Variants in SOX5 observed in about 807,000 individuals in gnomAD.
The protein encoded by SOX5 is SRY-box transcription factor 5.
SOX5 carries 9 observed loss-of-function variants against 92.0 expected under a neutral mutation model. That is an observed-to-expected ratio of 0.10 (90% CI 0.06 to 0.17). The LOEUF is 0.17. SOX5 is among the 10% of genes least tolerant of loss of function. The pLI is 1.00. For missense variants in SOX5, 642 were observed against 944.5 expected (o/e 0.68, Z 4.20); for synonymous variants, 344 against 336.3 (o/e 1.02, Z -0.25).
chr12:24,188,791 A>G (rs1162680088), intron 4 of SOX5, among the ~76,000 whole-genome samples: 1 of 152,170 alleles, frequency 6.6e-6, no homozygotes, highest in Non-Finnish European at 1.5e-5. Context: ...AGATTAATCC[A>G]TTTCTACTAA....
chr12:24,500,020 T>C (rs1039091669), intron 1 of SOX5, among the ~76,000 whole-genome samples: 1 of 152,130 alleles, frequency 6.6e-6, no homozygotes, highest in Non-Finnish European at 1.5e-5. Context: ...TCAAATTCTT[T>C]CAGAAAATCA....
chr12:23,762,640 C>G, intron 3 of SOX5: 1 of 498,414 alleles, frequency 2.0e-6, no homozygotes, highest in Non-Finnish European at 3.5e-6. Context: ...TTGGCTGACT[C>G]AAGTTTTACA....
chr12:23,674,894 AG>A (rs1386562262), intron 6 of SOX5, among the ~76,000 whole-genome samples: 6 of 152,112 alleles, frequency 3.9e-5, no homozygotes, highest in Non-Finnish European at 7.4e-5. Flanking sequence ...AGAACGACAT[AG>A]TACCTGGCAT....
At chr12:24,429,414 T>C (rs1435638461) in intron 1 of SOX5, among the ~76,000 whole-genome samples, 2 of 152,148 alleles carry the variant, frequency 1.3e-5, no homozygotes, top group East Asian at 3.8e-4. Flanking sequence ...CAACTGTTAT[T>C]CATTTTTATT....
chr12:24,121,040 C>T (rs1948559882), intron 4 of SOX5, among the ~76,000 whole-genome samples: 1 of 152,220 alleles, frequency 6.6e-6, no homozygotes, highest in Non-Finnish European at 1.5e-5. Flanking sequence ...CAACTAGGCA[C>T]ATTTTGGGAT....
At chr12:24,080,775 G>A (rs1355105623) in intron 4 of SOX5, among the ~76,000 whole-genome samples, 2 of 151,872 alleles carry the variant, frequency 1.3e-5, no homozygotes, top group Non-Finnish European at 2.9e-5. Flanking sequence ...TGCAGAGTGA[G>A]CACAAATATT....
rs554086716 is a variant in SOX5 at position 23,530,324 on chromosome 12, G to T, written c.*3895C>A. ...AATGTGATATAAGAGGTTTCTTCTG[G>T]GAACAGTCACAGCTTCTGGATTAAG... On this transcript the variant is annotated 3_prime_UTR_variant, in exon 15 of 15. Coordinates refer to ENST00000451604, the MANE Select transcript of SOX5 (RefSeq NM_006940.6). 6 of 152,140 alleles carry T rather than the reference G, an allele frequency of 3.9e-5. No homozygotes were observed. In the South Asian group the frequency reaches 1.2e-3, roughly 32 times the overall value. 9.4% of individuals were successfully genotyped at this position (152,140 alleles called of 1,614,324 possible). A position where few individuals can be genotyped will look rare whatever the true frequency, so the allele number is the denominator to read the frequency against.
chr12:24,067,154 T>C (rs755538935), intron 4 of SOX5, among the ~76,000 whole-genome samples: 3 of 152,208 alleles, frequency 2.0e-5, no homozygotes, highest in Non-Finnish European at 2.9e-5. Flanking sequence ...TTTGGTCAGT[T>C]TGGGGTTTGT....
chr12:24,096,831 T>C (rs776530346), intron 4 of SOX5, among the ~76,000 whole-genome samples: 1 of 152,186 alleles, frequency 6.6e-6, no homozygotes, highest in Admixed American at 6.5e-5. Flanking sequence ...AGTGCTGTTA[T>C]AAATACTTGT....
chr12:23,918,434 A>G (rs1021759154), intron 1 of SOX5, among the ~76,000 whole-genome samples: 2 of 152,244 alleles, frequency 1.3e-5, no homozygotes, highest in African/African-American at 4.8e-5. Context: ...ACCTGAAGCT[A>G]GCAATAATCA....
chr12:24,047,076 C>A (rs781573845), intron 4 of SOX5, among the ~76,000 whole-genome samples: 2 of 152,116 alleles, frequency 1.3e-5, no homozygotes, highest in African/African-American at 2.4e-5. Flanking sequence ...TTTGGAGGTA[C>A]GAATAACACT....
At chr12:24,028,318 T>G (rs937138494) in intron 4 of SOX5, among the ~76,000 whole-genome samples, 1 of 152,036 alleles carries the variant, frequency 6.6e-6, no homozygotes, top group African/African-American at 2.4e-5. Flanking sequence ...CACACAGCAA[T>G]GCCTTCTCAA....
intron 11 of SOX5, among the ~76,000 whole-genome samples, chr12:23,552,757 C>A (rs1432202657): frequency 6.6e-6 from 1 of 151,878 alleles, no homozygotes; most frequent in Non-Finnish European, 1.5e-5. Context: ...GAAGTTTCCA[C>A]CTTCCTAGAG....
chr12:24,026,120 C>T (rs1954840701), intron 4 of SOX5, among the ~76,000 whole-genome samples: 1 of 151,998 alleles, frequency 6.6e-6, no homozygotes, highest in South Asian at 2.1e-4. Context: ...AAAGTAAACA[C>T]AATGAAGAAG....
chr12:23,892,482 G>A (rs1474628717), intron 2 of SOX5, among the ~76,000 whole-genome samples: 1 of 152,016 alleles, frequency 6.6e-6, no homozygotes, highest in Non-Finnish European at 1.5e-5. Flanking sequence ...AAGGTGTTTT[G>A]GACTAAATCC....
intron 2 of SOX5, among the ~76,000 whole-genome samples, chr12:23,867,505 T>C (rs899111519): frequency 1.3e-5 from 2 of 152,164 alleles, no homozygotes; most frequent in Non-Finnish European, 2.9e-5. Context: ...TAAAATTCTA[T>C]GGATCTGTGA....
At chr12:23,937,141 T>A (rs1366411278) in intron 1 of SOX5, among the ~76,000 whole-genome samples, 1 of 151,034 alleles carries the variant, frequency 6.6e-6, no homozygotes, top group Non-Finnish European at 1.5e-5. Flanking sequence ...TAGCTTGATT[T>A]TCCTAATGTT....
At chr12:23,807,755 C>T (rs2095805861) in intron 3 of SOX5, among the ~76,000 whole-genome samples, 1 of 151,690 alleles carries the variant, frequency 6.6e-6, no homozygotes, top group South Asian at 2.1e-4. Context: ...AATTCTCCTG[C>T]CTCAGCCTCA....
chr12:23,616,912 G>C (rs1470025195), intron 8 of SOX5, among the ~76,000 whole-genome samples: 3 of 152,018 alleles, frequency 2.0e-5, no homozygotes, highest in Admixed American at 2.0e-4. Flanking sequence ...TTGAGGGCAG[G>C]AGTTTGAGAC....
Sources: gnomAD v4.1 joint callset for allele counts (sites outside exome capture counted in the v4.1 genomes callset) on GRCh38, gnomAD v4.1.1 for gene constraint, MANE v1.5 for transcripts, NCBI Gene and HGNC (gene_info 2026-07-23, HGNC 2026-07-21) for gene names.